Variants in PHACTR1 observed in about 807,000 individuals in gnomAD.
The protein encoded by PHACTR1 is RPEL repeat containing 1.
A neutral mutation model predicts 69.2 loss-of-function variants in PHACTR1; 16 were observed. The ratio of observed to expected loss-of-function variants is 0.23; its 90% CI spans 0.16 to 0.35. The LOEUF (loss-of-function observed/expected upper bound fraction) is 0.35, where lower values mean the gene tolerates loss of function less well. Among genes scored for constraint, PHACTR1 ranks in the 10% least tolerant of loss-of-function variants. The probability of loss-of-function intolerance (pLI) is 1.00; values close to 1 mark genes in which losing one functional copy is unlikely to be tolerated. For synonymous variants in PHACTR1, 312 were observed against 284.5 expected (o/e 1.10, Z -0.97); for missense variants, 510 against 734.7 (o/e 0.69, Z 3.54).
intron 4 of PHACTR1, among the ~76,000 whole-genome samples, chr6:12,801,051 T>G (rs1020324545): frequency 1.3e-5 from 2 of 152,208 alleles, no homozygotes; most frequent in Non-Finnish European, 2.9e-5. Context: ...TTACTGGGAT[T>G]CTTTAGGGCC....
intron 4 of PHACTR1, among the ~76,000 whole-genome samples, chr6:13,003,135 T>TA (rs1192227048): frequency 6.6e-6 from 1 of 152,188 alleles, no homozygotes; most frequent in Non-Finnish European, 1.5e-5. Context: ...AAAGGGGACT[T>TA]AAAAAAGAGA....
rs137895835 is a variant in PHACTR1 at position 12,805,828 on chromosome 6, T to C, written c.250+56038T>C. Among the ~76,000 whole-genome samples, 386 of 152,290 alleles carry C rather than the reference T, an allele frequency of 2.5e-3. 5 individuals carry two copies. The highest frequency in any genetic ancestry group is 8.8e-3 in the African/African-American group (366 of 41,560). On this transcript the variant is annotated intron_variant, in intron 4 of 14. Transcript: ENST00000332995. Reference sequence around the variant, plus strand: ...ATTGGCCAAGATTGTCTCGAACTCCTGACTTCAGGTGATCTGCCTGCCTCA... The same window carrying C: ...ATTGGCCAAGATTGTCTCGAACTCCCGACTTCAGGTGATCTGCCTGCCTCA...
intron 3 of PHACTR1, among the ~76,000 whole-genome samples, chr6:12,735,620 A>G (rs1006675869): frequency 6.6e-6 from 1 of 152,250 alleles, no homozygotes; most frequent in Admixed American, 6.5e-5. Context: ...CACCATACCA[A>G]TGTTAGGGTA....
chr6:12,749,367 GC>G, intron 3 of PHACTR1: 2 of 516,414 alleles, frequency 3.9e-6, no homozygotes, highest in Non-Finnish European at 3.8e-6. Flanking sequence ...GTCTGGGGGA[GC>G]CCCGGGCGCC....
intron 4 of PHACTR1, among the ~76,000 whole-genome samples, chr6:12,825,878 A>G (rs910661783): frequency 6.6e-6 from 1 of 152,178 alleles, no homozygotes; most frequent in Admixed American, 6.5e-5. Context: ...ACTCACGAGG[A>G]GATAAACATT....
intron 4 of PHACTR1, among the ~76,000 whole-genome samples, chr6:12,820,193 G>GT (rs1240897708): frequency 1.3e-5 from 2 of 152,054 alleles, no homozygotes; most frequent in Admixed American, 6.6e-5. Context: ...GTTTTGTTTT[G>GT]TTTTTTGAGA....
chr6:13,026,487 C>T (rs1801715727), intron 4 of PHACTR1, among the ~76,000 whole-genome samples: 1 of 152,112 alleles, frequency 6.6e-6, no homozygotes, highest in African/African-American at 2.4e-5. Flanking sequence ...TAGGAGGTAT[C>T]TGGAGACTTT....
At chr6:12,984,481 G>C (rs776992352) in intron 4 of PHACTR1, among the ~76,000 whole-genome samples, 1 of 152,220 alleles carries the variant, frequency 6.6e-6, no homozygotes, top group Non-Finnish European at 1.5e-5. Context: ...AGTGGGAATA[G>C]AAAGAAGGGC....
At chr6:12,933,234 C>T (rs1396616204) in intron 4 of PHACTR1, among the ~76,000 whole-genome samples, 1 of 152,162 alleles carries the variant, frequency 6.6e-6, no homozygotes, top group East Asian at 1.9e-4. Flanking sequence ...TGAGCCACTA[C>T]ACCTAGCCTT....
At chr6:12,843,602 C>T (rs1778914470) in intron 4 of PHACTR1, among the ~76,000 whole-genome samples, 2 of 152,180 alleles carry the variant, frequency 1.3e-5, no homozygotes, top group Admixed American at 1.3e-4. Context: ...TTAAACCATG[C>T]ATCATAAATT....
At chr6:12,859,093 A>G (rs747406579) in intron 4 of PHACTR1, among the ~76,000 whole-genome samples, 10 of 152,102 alleles carry the variant, frequency 6.6e-5, no homozygotes, top group Non-Finnish European at 1.3e-4. Context: ...TAAATATACA[A>G]TTTCTCATGA....
At chr6:13,281,024 A>C (rs958254784) in intron 12 of PHACTR1, 5 of 1,289,630 alleles carry the variant, frequency 3.9e-6, no homozygotes, top group Non-Finnish European at 4.0e-6. Flanking sequence ...ATCCTCGCTC[A>C]TTCCCTCTGA....
At chr6:13,253,863 A>C (rs1032865296) in intron 10 of PHACTR1, among the ~76,000 whole-genome samples, 1 of 152,218 alleles carries the variant, frequency 6.6e-6, no homozygotes, top group African/African-American at 2.4e-5. Context: ...TGAAGGGCTA[A>C]GACAGTAAAG....
chr6:13,165,805 C>A (rs1759713611), intron 6 of PHACTR1, among the ~76,000 whole-genome samples: 1 of 152,138 alleles, frequency 6.6e-6, no homozygotes, highest in East Asian at 1.9e-4. Context: ...CTTGTAACTT[C>A]ATTCATGAGC....
intron 4 of PHACTR1, among the ~76,000 whole-genome samples, chr6:12,916,010 C>A (rs1484937623): frequency 6.6e-6 from 1 of 152,166 alleles, no homozygotes; most frequent in Non-Finnish European, 1.5e-5. Context: ...ATGTTAATAC[C>A]AGGCAAAACT....
At chr6:13,188,740 G>T (rs1269240517) in intron 7 of PHACTR1, among the ~76,000 whole-genome samples, 1 of 152,168 alleles carries the variant, frequency 6.6e-6, no homozygotes, top group Non-Finnish European at 1.5e-5. Context: ...CATTCTCCCT[G>T]TCTGTCTTGC....
At chr6:13,069,232 G>T (rs1464601462) in intron 5 of PHACTR1, among the ~76,000 whole-genome samples, 1 of 152,178 alleles carries the variant, frequency 6.6e-6, no homozygotes, top group Non-Finnish European at 1.5e-5. Flanking sequence ...GTACAGAATT[G>T]AATTTCTTTG....
At chr6:13,205,283 C>T (rs1765739720) in intron 7 of PHACTR1, among the ~76,000 whole-genome samples, 1 of 152,198 alleles carries the variant, frequency 6.6e-6, no homozygotes, top group African/African-American at 2.4e-5. Context: ...CGAACTCGCT[C>T]ACACCCACCA....
At chr6:12,915,223 G>A (rs1393741786) in intron 4 of PHACTR1, among the ~76,000 whole-genome samples, 3 of 152,028 alleles carry the variant, frequency 2.0e-5, no homozygotes, top group East Asian at 1.9e-4. Flanking sequence ...AAACCAGGAG[G>A]AGCCAGGGGC....
Sources: allele counts gnomAD v4.1 joint callset (sites outside exome capture counted in the v4.1 genomes callset), GRCh38; gene constraint gnomAD v4.1.1; transcripts MANE v1.5; gene names NCBI Gene and HGNC (gene_info 2026-07-23, HGNC 2026-07-21).